The following RYR3 variants were observed in gnomAD, a reference collection of about 807,000 sequenced individuals.
RYR3 encodes the protein ryanodine receptor 3, also known as brain ryanodine receptor-calcium release channel.
In RYR3, 207 loss-of-function variants were observed where a neutral mutation model predicts 584.3. The observed-to-expected ratio is 0.35, with a 90% CI of 0.32 to 0.40. The LOEUF is 0.40. Ranked by LOEUF, RYR3 falls within the 10% of genes least tolerant of loss-of-function variation. The pLI, the probability that RYR3 is intolerant of heterozygous loss-of-function variation, is 1.00. For synonymous variants in RYR3, 2,416 were observed against 2,248.5 expected (o/e 1.07, Z -2.11); for missense variants, 5,616 against 6,089.2 (o/e 0.92, Z 2.59).
chr15:33,691,806 C>T (rs887313914), intron 38 of RYR3, among the ~76,000 whole-genome samples: 9 of 152,134 alleles, frequency 5.9e-5, no homozygotes, highest in African/African-American at 1.9e-4. Flanking sequence ...TTCTGTGAAA[C>T]GCATTTATCT....
intron 1 of RYR3, among the ~76,000 whole-genome samples, chr15:33,451,635 C>T (rs1011845120): frequency 6.6e-6 from 1 of 152,124 alleles, no homozygotes; most frequent in Non-Finnish European, 1.5e-5. Context: ...ACAGTCAAGT[C>T]CAAAGACAAG....
At chr15:33,408,774 C>A (rs1377735789) in intron 1 of RYR3, among the ~76,000 whole-genome samples, 1 of 152,146 alleles carries the variant, frequency 6.6e-6, no homozygotes, top group Non-Finnish European at 1.5e-5. Context: ...CCAAATATTG[C>A]ATGCCATCCT....
chr15:33,442,534 G>A (rs2046313308), intron 1 of RYR3, among the ~76,000 whole-genome samples: 1 of 152,158 alleles, frequency 6.6e-6, no homozygotes, highest in Non-Finnish European at 1.5e-5. Context: ...ATTAAGTAGG[G>A]GAGTGAGTTT....
chr15:33,598,065 A>G (rs558459359), intron 16 of RYR3, among the ~76,000 whole-genome samples: 12 of 152,172 alleles, frequency 7.9e-5, no homozygotes, highest in Admixed American at 7.2e-4. Context: ...AGAGAGAAAA[A>G]GTCTGGTGGT....
chr15:33,344,349 C>T (rs948203762), intron 1 of RYR3, among the ~76,000 whole-genome samples: 2 of 152,180 alleles, frequency 1.3e-5, no homozygotes, highest in African/African-American at 4.8e-5. Context: ...ACAATATTTG[C>T]TAGTACTGTC....
intron 1 of RYR3, among the ~76,000 whole-genome samples, chr15:33,366,795 A>T (rs146794834): frequency 1.8e-3 from 275 of 152,314 alleles, no homozygotes; most frequent in African/African-American, 6.3e-3. Flanking sequence ...TACTACTTAC[A>T]AGACACTTGT....
chr15:33,687,577 T>G (rs2065103956), intron 38 of RYR3, among the ~76,000 whole-genome samples: 1 of 152,106 alleles, frequency 6.6e-6, no homozygotes, highest in Non-Finnish European at 1.5e-5. Context: ...AAAGTTAATA[T>G]GGAACCAAAA....
rs762804569 is a variant in RYR3, at chr15:33,788,274, A to G, written c.9646A>G (p.Ile3216Val). Residue 3216 changes from isoleucine (I) to valine (V), a missense_variant, in exon 67 of 104, where the codon ATC becomes GTC. Ile to Val is a conservative substitution (Grantham distance 29). Coordinates refer to ENST00000634891, the MANE Select transcript of RYR3 (RefSeq NM_001036.6). ...GCCCGACCTGCTGAGAAGCCACTTC[A>G]TCCCAACTCTGGAGAAGCTGAAGAA... ...ARPDLLRSHFIPTLEKLKKKA... is the reference protein window; with the variant it reads ...ARPDLLRSHFVPTLEKLKKKA... The G allele has an allele frequency of 1.2e-6, 2 of 1,614,024 alleles. No homozygotes were observed. The highest frequency in any genetic ancestry group is 1.7e-5 in the Admixed American group (1 of 60,032).
intron 38 of RYR3, among the ~76,000 whole-genome samples, chr15:33,671,940 A>G (rs1000860570): frequency 6.7e-6 from 1 of 150,248 alleles, no homozygotes; most frequent in South Asian, 2.2e-4. Flanking sequence ...CAGCCTCCCA[A>G]ATAGCTGGGA....
intron 103 of RYR3, 59 bp downstream of exon 103, chr15:33,864,248 TAGTAGGGCATAGGTTATCTGAAATAC>T: frequency 7.7e-7 from 1 of 1,304,372 alleles, no homozygotes; most frequent in South Asian, 1.3e-5. Flanking sequence ...TCTTGAGACT[TAGTAGGGCATAGGTTATCTGAAATAC>T]ATACATGGCC....
intron 3 of RYR3, among the ~76,000 whole-genome samples, chr15:33,529,588 A>G (rs900755464): frequency 6.6e-6 from 1 of 152,194 alleles, no homozygotes; most frequent in East Asian, 1.9e-4. Flanking sequence ...ATTAATTTTT[A>G]TCTCAAGCTT....
chr15:33,662,603 C>T lies in RYR3; in HGVS notation c.5073C>T (p.Leu1691=). The T allele has an allele frequency of 6.2e-7, 1 of 1,613,982 alleles. No homozygotes were observed. The highest frequency in any genetic ancestry group is 8.5e-7 in the Non-Finnish European group (1 of 1,179,890). Residue 1691 remains leucine, a synonymous_variant, in exon 35 of 104, where the codon CTC becomes CTT. Transcript: ENST00000634891. ...KQSPEIPLES[L]RTKALSMLTE... ...GCCCCGAGATTCCCTTGGAGAGTCTCAGGACGAAGGCTCTGAGTATGCTGA... is the reference window on the plus strand; with the variant it reads ...GCCCCGAGATTCCCTTGGAGAGTCTTAGGACGAAGGCTCTGAGTATGCTGA...
At chr15:33,775,720 T>C (rs2073952867) in intron 64 of RYR3, among the ~76,000 whole-genome samples, 1 of 152,206 alleles carries the variant, frequency 6.6e-6, no homozygotes, top group African/African-American at 2.4e-5. Context: ...ATGGCATGTA[T>C]ACTTTTCCCT....
intron 28 of RYR3, among the ~76,000 whole-genome samples, chr15:33,645,409 T>C (rs1410725351): frequency 6.6e-6 from 1 of 152,184 alleles, no homozygotes; most frequent in Non-Finnish European, 1.5e-5. Flanking sequence ...TCAACCTCAC[T>C]GTAAGTTCCT....
chr15:33,414,458 A>G (rs779059770), intron 1 of RYR3, among the ~76,000 whole-genome samples: 1 of 152,204 alleles, frequency 6.6e-6, no homozygotes, highest in Non-Finnish European at 1.5e-5. Context: ...AGTTCTAAAT[A>G]TATAACAAAA....
In RYR3 at chr15:33,412,395, AAACC is replaced by A. The variant is rs1324657186; in HGVS notation, c.52-61023_52-61020del. 6.6e-6 allele frequency among the ~76,000 whole-genome samples: 1 copy of A among 152,168 alleles called. No homozygotes were observed. Among genetic ancestry groups the A allele is most frequent in the East Asian group, 1.9e-4 (1 of 5,184 alleles). ...TCAGTGGGAGACAAACTGACAGCGG[AAACC>A]CTGGCTCTATTTAAGGCTTCTGGAG... On this transcript the variant is annotated intron_variant, in intron 1 of 103. Transcript: ENST00000634891. The surrounding 1 kb of genome is among the most constrained non-coding windows in gnomAD (Gnocchi z 4.3).
chr15:33,579,937 T>C (rs780507812), intron 12 of RYR3, 39 bp from the exon 13 acceptor site: 34 of 1,542,410 alleles, frequency 2.2e-5, no homozygotes, highest in Non-Finnish European at 2.9e-5. Context: ...GCCCTGCTGC[T>C]GGCCAGTGCC....
At position 33,725,795 on chromosome 15, in the gene RYR3, T is replaced by TAAAA. The variant is rs3086219; in HGVS notation, c.6913-578_6913-575dup. ...TGACATGATGAAACCCCGTCTCTAC[T>TAAAA]AAAAAAAAAAAAAAAATACAAAAAA... On this transcript the variant is annotated intron_variant, in intron 45 of 103. Transcript: ENST00000634891. 4.2e-3 allele frequency among the ~76,000 whole-genome samples: 546 copies of TAAAA among 130,454 alleles called. 4 individuals are homozygous for TAAAA. Among genetic ancestry groups the TAAAA allele is most frequent in the Non-Finnish European group, 6.2e-3 (387 of 62,612 alleles). The allele number at this position is 130,454 out of a possible 152,430, so 85.6% of individuals were successfully genotyped here. A position where few individuals can be genotyped will look rare whatever the true frequency, so the allele number is the denominator to read the frequency against.
chr15:33,389,967 C>T (rs1434899574), intron 1 of RYR3, among the ~76,000 whole-genome samples: 4 of 152,118 alleles, frequency 2.6e-5, no homozygotes, highest in Non-Finnish European at 5.9e-5. Flanking sequence ...GTCACTTTGG[C>T]TATAAAAAGT....
Sources: allele counts gnomAD v4.1 joint callset (sites outside exome capture counted in the v4.1 genomes callset), GRCh38; gene constraint gnomAD v4.1.1; non-coding constraint Gnocchi (gnomAD v3.1); transcripts MANE v1.5; gene names NCBI Gene and HGNC (gene_info 2026-07-23, HGNC 2026-07-21).